The following PHC2 variants were observed in gnomAD, a reference collection of about 807,000 sequenced individuals.
The protein encoded by PHC2 is polyhomeotic homolog 2, also known as polyhomeotic-like protein 2.
A neutral mutation model predicts 87.4 loss-of-function variants in PHC2; 29 were observed. The ratio of observed to expected loss-of-function variants is 0.33; its 90% CI spans 0.25 to 0.45. PHC2 has a LOEUF of 0.45. Among genes scored for constraint, PHC2 ranks in the 20% least tolerant of loss-of-function variants. The pLI, the probability that PHC2 is intolerant of heterozygous loss-of-function variation, is 1.00. For missense variants in PHC2, 857 were observed against 1,136.7 expected (o/e 0.75, Z 3.54); for synonymous variants, 438 against 461.7 (o/e 0.95, Z 0.66).
At chr1:33,354,610 C>T (rs925283621) in intron 8 of PHC2, 44 bp from the exon 9 acceptor site, 1 of 1,569,924 alleles carries the variant, frequency 6.4e-7, no homozygotes, top group Admixed American at 1.8e-5. Context: ...CAGAAATAGC[C>T]TTTGCATTCT....
intron 1 of PHC2, among the ~76,000 whole-genome samples, chr1:33,410,158 T>C (rs1487112356): frequency 6.6e-6 from 1 of 152,190 alleles, no homozygotes; most frequent in East Asian, 1.9e-4. Flanking sequence ...AGGAAAAACA[T>C]ACCAGTTCAA....
At chr1:33,371,446 GCCA>G (rs1368016898) in intron 3 of PHC2, among the ~76,000 whole-genome samples, 7 of 151,738 alleles carry the variant, frequency 4.6e-5, no homozygotes, top group South Asian at 4.2e-4. Flanking sequence ...ATCACACCTG[GCCA>G]CCACCATCAC....
At chr1:33,395,628 G>A (rs1307010818) in intron 1 of PHC2, among the ~76,000 whole-genome samples, 1 of 152,174 alleles carries the variant, frequency 6.6e-6, no homozygotes, top group African/African-American at 2.4e-5. Context: ...GGCAAGTATG[G>A]TAAAATGTTA....
At chr1:33,403,283 C>T (rs532785995) in intron 1 of PHC2, among the ~76,000 whole-genome samples, 26 of 151,530 alleles carry the variant, frequency 1.7e-4, no homozygotes, top group African/African-American at 4.6e-4. Context: ...CCCACCACCA[C>T]GCCCAGGTAA....
At chr1:33,363,462 A>C (rs1324659680) in intron 7 of PHC2, among the ~76,000 whole-genome samples, 1 of 152,186 alleles carries the variant, frequency 6.6e-6, no homozygotes, top group Non-Finnish European at 1.5e-5. Flanking sequence ...GGTACCCAAG[A>C]ATCCTGGAAT....
chr1:33,430,230 G>C (rs1243523266), intron 1 of PHC2, among the ~76,000 whole-genome samples: 1 of 152,212 alleles, frequency 6.6e-6, no homozygotes, highest in Non-Finnish European at 1.5e-5. Context: ...CAGGTGTCCA[G>C]CAGCGACCTT....
At chr1:33,348,889 A>G (rs1646898662) in intron 9 of PHC2, among the ~76,000 whole-genome samples, 1 of 152,172 alleles carries the variant, frequency 6.6e-6, no homozygotes, top group Non-Finnish European at 1.5e-5. Flanking sequence ...CAGGGCACTG[A>G]CTGGTATCCG....
intron 1 of PHC2, among the ~76,000 whole-genome samples, chr1:33,403,195 C>A (rs1473602353): frequency 7.6e-6 from 1 of 132,270 alleles, no homozygotes; most frequent in African/African-American, 2.9e-5. Context: ...GGTGCGATCT[C>A]GGCTCACTGC....
chr1:33,405,731 G>A (rs900256773), intron 1 of PHC2, among the ~76,000 whole-genome samples: 5 of 152,112 alleles, frequency 3.3e-5, no homozygotes, highest in African/African-American at 1.2e-4. Context: ...TTATCAGTCA[G>A]GAATATTTTC....
intron 7 of PHC2, among the ~76,000 whole-genome samples, chr1:33,357,528 GA>G (rs1273238138): frequency 2.0e-5 from 3 of 152,210 alleles, no homozygotes; most frequent in Non-Finnish European, 4.4e-5. Context: ...GTTTAGTATG[GA>G]TGATACTGAA....
chr1:33,364,331 T>C lies in PHC2; in HGVS notation c.976+2785A>G, dbSNP rs1242915481. Among the ~76,000 whole-genome samples, 1 of 151,946 alleles carries C rather than the reference T, an allele frequency of 6.6e-6. No individual in the cohort carries two copies. Among genetic ancestry groups the C allele is most frequent in the Admixed American group, 6.6e-5 (1 of 15,258 alleles). On this transcript the variant is annotated intron_variant, in intron 7 of 14. Coordinates refer to ENST00000683057, the MANE Select transcript of PHC2 (RefSeq NM_001385109.1). This position sits in a 1 kb window ranked among gnomAD's most constrained non-coding sequence, Gnocchi z 4.1. ...GCTCCAATAACAAACAAAAAATGTG[T>C]GCGCGCTCGCTTGCTTTCTCTCTCC...
chr1:33,350,931 C>G (rs1367953563), intron 9 of PHC2, among the ~76,000 whole-genome samples: 1 of 152,164 alleles, frequency 6.6e-6, no homozygotes, highest in Non-Finnish European at 1.5e-5. Context: ...ATCCTCAACT[C>G]CTGTTCCCTA....
intron 14 of PHC2, chr1:33,325,579 AC>A (rs1324976256): frequency 3.7e-6 from 1 of 268,104 alleles, no homozygotes; most frequent in Non-Finnish European, 7.6e-6. Context: ...AAACTCATAC[AC>A]TGGGTCTGTG....
At chr1:33,425,781 A>G (rs1650643735) in intron 1 of PHC2, among the ~76,000 whole-genome samples, 1 of 152,250 alleles carries the variant, frequency 6.6e-6, no homozygotes, top group Admixed American at 6.5e-5. Flanking sequence ...CAGCCCAGCC[A>G]TGTAAACTGT....
rs2148321351 is a variant in PHC2, at chr1:33,368,722, G to A, written c.577-100C>T. The A allele has an allele frequency of 1.2e-6, 1 of 818,720 alleles. No homozygotes were observed. The highest frequency in any genetic ancestry group is 1.5e-5 in the South Asian group (1 of 68,898). 50.7% of individuals were successfully genotyped at this position (818,720 alleles called of 1,614,324 possible). A position where few individuals can be genotyped will look rare whatever the true frequency, so the allele number is the denominator to read the frequency against. Reference sequence around the variant, plus strand: ...ACAGGAAACGAGGCGCCTTTTACCTGCTCGATGTGGACTCAGCCACAGGAC... The same window carrying A: ...ACAGGAAACGAGGCGCCTTTTACCTACTCGATGTGGACTCAGCCACAGGAC... On this transcript the variant is annotated intron_variant, in intron 5 of 14. Coordinates refer to ENST00000683057, the MANE Select transcript of PHC2 (RefSeq NM_001385109.1). The surrounding 1 kb of genome is among the most constrained non-coding windows in gnomAD (Gnocchi z 6.6).
intron 1 of PHC2, among the ~76,000 whole-genome samples, chr1:33,379,382 C>CCCCTT (rs1648369919): frequency 1.9e-5 from 1 of 51,530 alleles, no homozygotes; most frequent in African/African-American, 8.1e-5. Context: ...TCCCCCCCTT[C>CCCCTT]CCCCCGGTCT....
intron 1 of PHC2, among the ~76,000 whole-genome samples, chr1:33,404,792 T>C (rs185134355): frequency 6.6e-6 from 1 of 152,200 alleles, no homozygotes; most frequent in Non-Finnish European, 1.5e-5. Flanking sequence ...GAATTAAAAT[T>C]GAATGATATG....
At chr1:33,354,663 G>A in intron 8 of PHC2, 97 bp from the exon 9 acceptor site, 1 of 1,396,292 alleles carries the variant, frequency 7.2e-7, no homozygotes, top group Admixed American at 2.3e-5. Context: ...AAGCAGGTAA[G>A]GACCTTAAGA....
At chr1:33,347,659 C>T (rs1372807811) in intron 9 of PHC2, 4 of 985,202 alleles carry the variant, frequency 4.1e-6, no homozygotes, top group Non-Finnish European at 4.8e-6. Flanking sequence ...TAAGAAACTA[C>T]CCCCTTTCTC....
Sources: gnomAD v4.1 joint callset for allele counts (sites outside exome capture counted in the v4.1 genomes callset) on GRCh38, gnomAD v4.1.1 for gene constraint, Gnocchi (gnomAD v3.1) non-coding constraint, MANE v1.5 for transcripts, NCBI Gene and HGNC (gene_info 2026-07-23, HGNC 2026-07-21) for gene names.